The following SPATA6L variants were observed in gnomAD, a reference collection of about 807,000 sequenced individuals.
The protein encoded by SPATA6L is spermatogenesis associated 6 like.
Under a neutral mutation model 49.2 loss-of-function variants are expected in SPATA6L, and 68 were observed. The observed-to-expected ratio is 1.38, with a 90% CI of 1.14 to 1.69. SPATA6L has a LOEUF of 1.69. Ranked by LOEUF, SPATA6L falls within the 40% of genes most tolerant of loss-of-function variation. The pLI is 0.00. For synonymous variants in SPATA6L, 198 were observed against 165.7 expected (o/e 1.19, Z -1.50); for missense variants, 668 against 464.3 (o/e 1.44, Z -4.03).
rs199814978 is a variant in SPATA6L at position 4,617,968 on chromosome 9, T to C, written c.950A>G (p.His317Arg). The C allele has an allele frequency of 6.2e-7, 1 of 1,613,972 alleles. No homozygotes were observed. Among genetic ancestry groups the C allele is most frequent in the East Asian group, 2.2e-5 (1 of 44,858 alleles). ...ATCCAAGGGGCCAGGAGAGGTGGAA[T>C]GCTGGTAGGTGGCAAATGAAGCTTT... ...HGKASFATYQHSTSPGPLDQP... is the reference protein window; with the variant it reads ...HGKASFATYQRSTSPGPLDQP... Residue 317 changes from histidine to arginine, a missense_variant, in exon 9 of 12, where the codon CAT becomes CGT. Transcript: ENST00000682582.
Position 4,632,595 on chromosome 9 carries a change from C to CAAAA in SPATA6L, c.351+2676_351+2679dup, listed in dbSNP as rs58418814. On this transcript the variant is annotated intron_variant, in intron 4 of 11. Coordinates refer to ENST00000682582, the MANE Select transcript of SPATA6L (RefSeq NM_001353486.2). ...TGGGCAACAGAGCAAGACTCCATCTCAAAAAAAAAAAAAAAATTAAGTGTG... is the reference window on the plus strand; with the variant it reads ...TGGGCAACAGAGCAAGACTCCATCTCAAAAAAAAAAAAAAAAAAAATTAAGTGTG... 3.3e-5 allele frequency among the ~76,000 whole-genome samples: 4 copies of CAAAA among 120,698 alleles called. 1 individual carries two copies. Among genetic ancestry groups the CAAAA allele is most frequent in the African/African-American group, 1.2e-4 (4 of 34,134 alleles). The allele number at this position is 120,698 out of a possible 152,430, so 79.2% of individuals were successfully genotyped here. A position where few individuals can be genotyped will look rare whatever the true frequency, so the allele number is the denominator to read the frequency against.
chr9:4,604,397 T>C (rs569430234), intron 10 of SPATA6L, 128 bp from the exon 11 acceptor site: 4 of 545,170 alleles, frequency 7.3e-6, no homozygotes, highest in Non-Finnish European at 1.3e-5. Context: ...GGGTTCACTA[T>C]ATATGTGTGT....
intron 9 of SPATA6L, among the ~76,000 whole-genome samples, chr9:4,609,244 T>A (rs1826068060): frequency 6.6e-6 from 1 of 151,152 alleles, no homozygotes; most frequent in Non-Finnish European, 1.5e-5. Context: ...CCATTCCTTC[T>A]GAAACTATTC....
intron 13 of SPATA6L, among the ~76,000 whole-genome samples, chr9:4,592,896 T>C (rs1822000764): frequency 1.3e-5 from 2 of 152,210 alleles, no homozygotes; most frequent in Admixed American, 6.5e-5. Flanking sequence ...GCTAAATATG[T>C]ACACCTTTAG....
chr9:4,657,009 A>G (rs971648398), intron 2 of SPATA6L, among the ~76,000 whole-genome samples: 2 of 152,238 alleles, frequency 1.3e-5, no homozygotes, highest in Non-Finnish European at 2.9e-5. Flanking sequence ...ATCGTGAAGC[A>G]CAAGAAAAAC....
chr9:4,629,172 TA>T lies in SPATA6L; in HGVS notation c.352-5del. 1 of 1,447,012 alleles carries T rather than the reference TA, an allele frequency of 6.9e-7. No homozygotes were observed. The highest frequency in any genetic ancestry group is 9.2e-7 in the Non-Finnish European group (1 of 1,089,246). 89.6% of individuals were successfully genotyped at this position (1,447,012 alleles called of 1,614,324 possible). A position where few individuals can be genotyped will look rare whatever the true frequency, so the allele number is the denominator to read the frequency against. ...ACTCTATTTTGGGAGCAATGCCCTA[TA>T]AAACAGCATAAAAAAAGCAAATAAA... On this transcript the variant is annotated splice_region_variant and splice_polypyrimidine_tract_variant and intron_variant, in intron 4 of 11. Transcript: ENST00000682582.
At position 4,598,366 on chromosome 9, in the gene SPATA6L, C is replaced by T. The variant is rs554169898; in HGVS notation, c.*2445G>A. ...AGATCTTCCCAAAGTAATCCAAACC[C>T]CAAAACATCACAAAATTATTCATAC... On this transcript the variant is annotated 3_prime_UTR_variant, in exon 12 of 12. Transcript: ENST00000682582. Among the ~76,000 whole-genome samples, 10 of 152,270 alleles carry T rather than the reference C, an allele frequency of 6.6e-5. No homozygotes were observed. The East Asian group carries it at 1.9e-3, about 29-fold the overall frequency.
intron 5 of SPATA6L, 89 bp downstream of exon 5, chr9:4,629,002 A>C: frequency 1.2e-6 from 1 of 835,592 alleles, no homozygotes; most frequent in Non-Finnish European, 1.9e-6. Flanking sequence ...TTTCATGTAA[A>C]CTTAATAAAC....
At chr9:4,639,777 A>G (rs536453102) in intron 3 of SPATA6L, among the ~76,000 whole-genome samples, 2 of 152,340 alleles carry the variant, frequency 1.3e-5, no homozygotes, top group South Asian at 2.1e-4. Flanking sequence ...AGAAATAACA[A>G]TTTTAATAAC....
intron 2 of SPATA6L, among the ~76,000 whole-genome samples, chr9:4,656,365 G>A (rs1277305167): frequency 6.6e-6 from 1 of 151,892 alleles, no homozygotes; most frequent in Non-Finnish European, 1.5e-5. Context: ...CTTGAGCACA[G>A]GAGACAGAGG....
chr9:4,662,620 C>T lies in SPATA6L; in HGVS notation c.40-584G>A, dbSNP rs758364891. ...GCCGCGGCGGGCCCCTCGCAGTCGC[C>T]CGCGCCTCCGCTGCCCGAGGAGGAC... On this transcript the variant is annotated intron_variant, in intron 1 of 11. Transcript: ENST00000682582. The surrounding 1 kb of genome is among the most constrained non-coding windows in gnomAD (Gnocchi z 4.9). 1.7e-5 allele frequency: 27 copies of T among 1,595,932 alleles called. No homozygotes were observed. In the East Asian group the frequency reaches 4.7e-4, roughly 28 times the overall value.
intron 9 of SPATA6L, among the ~76,000 whole-genome samples, chr9:4,612,865 C>A (rs1466004117): frequency 1.3e-5 from 2 of 152,084 alleles, no homozygotes; most frequent in Non-Finnish European, 2.9e-5. Flanking sequence ...TATAACTAAG[C>A]TGAAAGTGTA....
chr9:4,643,002 T>A (rs928744606), intron 3 of SPATA6L, among the ~76,000 whole-genome samples: 2 of 152,074 alleles, frequency 1.3e-5, no homozygotes, highest in African/African-American at 2.4e-5. Flanking sequence ...TAGGATAAAA[T>A]ATATTTTTAT....
At chr9:4,597,182 G>T (rs1177682032), downstream of SPATA6L, among the ~76,000 whole-genome samples, 1 of 152,140 alleles carries the variant, frequency 6.6e-6, no homozygotes, top group African/African-American at 2.4e-5. Flanking sequence ...GAGGGGCGCA[G>T]TGGCTCATAC....
chr9:4,652,183 G>C (rs1837049000), intron 3 of SPATA6L, among the ~76,000 whole-genome samples: 1 of 152,184 alleles, frequency 6.6e-6, no homozygotes, highest in African/African-American at 2.4e-5. Context: ...CACTTTCGGA[G>C]GCCAAGGCAG....
intron 2 of SPATA6L, among the ~76,000 whole-genome samples, chr9:4,656,416 G>A (rs1185772031): frequency 1.3e-5 from 2 of 149,926 alleles, no homozygotes; most frequent in South Asian, 2.1e-4. Flanking sequence ...TCCAGCATGG[G>A]AGAAAGAGTG....
chr9:4,651,692 T>TA (rs78203548), intron 3 of SPATA6L, among the ~76,000 whole-genome samples: 62,740 of 151,882 alleles, frequency 0.41, 13,103 homozygotes, highest in East Asian at 0.58. Context: ...AAATAAAGGA[T>TA]AAAAAAATCA....
At position 4,662,466 on chromosome 9, in the gene SPATA6L, G is replaced by A; in HGVS notation, c.40-430C>T. On this transcript the variant is annotated intron_variant, in intron 1 of 11. Coordinates refer to ENST00000682582, the MANE Select transcript of SPATA6L (RefSeq NM_001353486.2). This position sits in a 1 kb window ranked among gnomAD's most constrained non-coding sequence, Gnocchi z 4.9. ...CAGCCCCGGCAGCCCAGCCCATGGC[G>A]GCGGTGGCGGCGGCAGCAGGTTTGA... is the stretch of plus-strand genomic sequence containing the variant. 1 of 1,547,382 alleles carries A rather than the reference G, an allele frequency of 6.5e-7. No individual in the cohort carries two copies. Among genetic ancestry groups the A allele is most frequent in the South Asian group, 1.2e-5 (1 of 85,048 alleles).
intron 3 of SPATA6L, among the ~76,000 whole-genome samples, chr9:4,653,149 C>A (rs567324802): frequency 1.3e-5 from 2 of 152,146 alleles, no homozygotes; most frequent in Non-Finnish European, 2.9e-5. Flanking sequence ...TGTGTGTTGG[C>A]ATAACAATAG....
Sources: allele counts gnomAD v4.1 joint callset (sites outside exome capture counted in the v4.1 genomes callset), GRCh38; gene constraint gnomAD v4.1.1; non-coding constraint Gnocchi (gnomAD v3.1); transcripts MANE v1.5; gene names NCBI Gene and HGNC (gene_info 2026-07-23, HGNC 2026-07-21).